NEK1: variants seen among roughly 807,000 people sequenced by gnomAD.
The protein encoded by NEK1 is NIMA related kinase 1, also known as serine/threonine-protein kinase Nek1.
A neutral mutation model predicts 182.1 loss-of-function variants in NEK1; 137 were observed. The ratio of observed to expected loss-of-function variants is 0.75; its 90% CI spans 0.65 to 0.87. NEK1 has a LOEUF of 0.87. NEK1 is among the 40% of genes least tolerant of loss of function. The pLI is 0.00. For missense variants in NEK1, 1,391 were observed against 1,494.4 expected (o/e 0.93, Z 1.14); for synonymous variants, 513 against 492.2 (o/e 1.04, Z -0.56).
intron 5 of NEK1, among the ~76,000 whole-genome samples, chr4:169,592,167 T>C (rs1490686077): frequency 2.6e-5 from 4 of 152,196 alleles, no homozygotes; most frequent in Admixed American, 2.6e-4. Flanking sequence ...TAATCATTTG[T>C]CAAAATATGT....
chr4:169,525,836 T>G (rs2149770287), intron 19 of NEK1, among the ~76,000 whole-genome samples: 1 of 152,330 alleles, frequency 6.6e-6, no homozygotes, highest in Middle Eastern at 3.4e-3. Context: ...AACAACATAG[T>G]CAAACAGCTA....
chr4:169,447,266 AG>A (rs1740752741), intron 27 of NEK1, among the ~76,000 whole-genome samples: 1 of 152,156 alleles, frequency 6.6e-6, no homozygotes, highest in Admixed American at 6.5e-5. Flanking sequence ...ACATATTTAA[AG>A]TACTGAAGGA....
chr4:169,598,772 A>T (rs979199248), intron 5 of NEK1, among the ~76,000 whole-genome samples: 1 of 152,230 alleles, frequency 6.6e-6, no homozygotes, highest in Non-Finnish European at 1.5e-5. Flanking sequence ...GCCACATTTT[A>T]GGAATATATA....
intron 23 of NEK1, among the ~76,000 whole-genome samples, chr4:169,487,769 C>T (rs1749307681): frequency 1.3e-5 from 2 of 152,172 alleles, no homozygotes; most frequent in Admixed American, 1.3e-4. Context: ...AACTAATTTA[C>T]ACTCCCACCA....
intron 10 of NEK1, among the ~76,000 whole-genome samples, chr4:169,583,310 A>G (rs1580954942): frequency 6.6e-6 from 1 of 151,822 alleles, no homozygotes; most frequent in Non-Finnish European, 1.5e-5. Context: ...ACCTAAGTAG[A>G]TATATAGTAC....
At chr4:169,541,257 A>T (rs906829734) in intron 18 of NEK1, among the ~76,000 whole-genome samples, 2 of 152,200 alleles carry the variant, frequency 1.3e-5, no homozygotes, top group Admixed American at 6.5e-5. Flanking sequence ...TATCCAAATT[A>T]AATGAAGCAA....
Position 169,555,806 on chromosome 4 carries a change from T to C in NEK1, c.1476A>G (p.Ala492=), listed in dbSNP as rs1322917520. The C allele has an allele frequency of 1.9e-6, 3 of 1,613,782 alleles. No homozygotes were observed. Among genetic ancestry groups the C allele is most frequent in the Non-Finnish European group, 2.5e-6 (3 of 1,179,820 alleles). Residue 492 remains alanine (A), a synonymous_variant, in exon 18 of 36, where the codon GCA becomes GCG. Coordinates refer to ENST00000507142, the MANE Select transcript of NEK1 (RefSeq NM_001199397.3). ...CAGCATCAGGAAAATGGTGATGACC[T>C]GCAGCCCCATAAGGAAATCCTGGAC... ...GVRPGFPYGA[A]GHHHFPDADD...
chr4:169,527,439 GAC>G (rs1236392679), intron 19 of NEK1, among the ~76,000 whole-genome samples: 1 of 152,120 alleles, frequency 6.6e-6, no homozygotes, highest in Non-Finnish European at 1.5e-5. Context: ...AAACATGTCT[GAC>G]AGTTAAAAGA....
intron 27 of NEK1, among the ~76,000 whole-genome samples, chr4:169,454,638 C>G (rs542363935): frequency 1.2e-4 from 19 of 152,316 alleles, no homozygotes; most frequent in African/African-American, 4.3e-4. Flanking sequence ...GATACCATTT[C>G]ACACCAGTTA....
chr4:169,464,812 A>T (rs1744620357), intron 26 of NEK1, among the ~76,000 whole-genome samples: 1 of 152,126 alleles, frequency 6.6e-6, no homozygotes, highest in African/African-American at 2.4e-5. Context: ...TTTCTAAGAA[A>T]ATTTGTCCTG....
At chr4:169,439,659 T>A (rs535487140) in intron 27 of NEK1, among the ~76,000 whole-genome samples, 1 of 152,242 alleles carries the variant, frequency 6.6e-6, no homozygotes, top group Non-Finnish European at 1.5e-5. Context: ...TAGGAAATAA[T>A]CAAAATATAG....
Position 169,435,635 on chromosome 4 carries a change from A to G in NEK1, c.2765-1970T>C, listed in dbSNP as rs558423884. Among the ~76,000 whole-genome samples, 11 of 152,290 alleles carry G rather than the reference A, an allele frequency of 7.2e-5. No homozygotes were observed. The South Asian group carries it at 2.3e-3, about 32-fold the overall frequency. ...AGTTCCAGGCTGAGCCTTTAAGAGA[A>G]CTGGGAACTTCTATTTGATATCTGG... On this transcript the variant is annotated intron_variant, in intron 28 of 35. Coordinates refer to ENST00000507142, the MANE Select transcript of NEK1 (RefSeq NM_001199397.3).
At chr4:169,610,246 C>T (rs545391266) in intron 2 of NEK1, among the ~76,000 whole-genome samples, 1 of 152,274 alleles carries the variant, frequency 6.6e-6, no homozygotes. Context: ...AAATGATCCA[C>T]TTGCCTCGGC....
In NEK1 at chr4:169,477,181, G is replaced by T; in HGVS notation, c.2377C>A (p.Gln793Lys). The stretch of plus-strand genomic sequence containing the variant: ...AACTCATCCAGAGGAATCACAAGTT[G>T]ACCTCCTGCCTCCCACTTCTTGCGA... ...SDRKKWEAGG[Q>K]LVIPLDELTL... The change falls in exon 26 of 36, where the codon CAA becomes AAA. Residue 793 changes from glutamine (Q) to lysine (K), a missense_variant. By Grantham distance (53) the Gln-to-Lys change is moderately conservative. This residue lies in a region of NEK1 where 1,216 missense variants were observed against 1,277.6 expected (regional missense o/e 0.95). Coordinates refer to ENST00000507142, the MANE Select transcript of NEK1 (RefSeq NM_001199397.3). The T allele has an allele frequency of 6.2e-7, 1 of 1,608,632 alleles. No homozygotes were observed. The highest frequency in any genetic ancestry group is 1.1e-5 in the South Asian group (1 of 89,998).
intron 32 of NEK1, among the ~76,000 whole-genome samples, chr4:169,404,586 A>C (rs765877065): frequency 6.6e-6 from 1 of 152,148 alleles, no homozygotes; most frequent in Non-Finnish European, 1.5e-5. Context: ...AAATTACAAA[A>C]TAAATTATAA....
intron 21 of NEK1, 27 bp from the exon 22 acceptor site, chr4:169,507,819 A>AT: frequency 6.6e-7 from 1 of 1,523,118 alleles, no homozygotes; most frequent in Non-Finnish European, 9.1e-7. Flanking sequence ...TAAGCAAATC[A>AT]CTTAGGATAG....
chr4:169,414,807 T>C (rs1201904092), intron 31 of NEK1, among the ~76,000 whole-genome samples: 3 of 152,252 alleles, frequency 2.0e-5, no homozygotes, highest in African/African-American at 7.2e-5. Context: ...GTTAAGGCTA[T>C]ATGGTTTAAA....
chr4:169,440,638 C>T (rs917690197), intron 27 of NEK1, among the ~76,000 whole-genome samples: 2 of 152,076 alleles, frequency 1.3e-5, no homozygotes, highest in African/African-American at 2.4e-5. Flanking sequence ...GAGAGGGAAG[C>T]GAAACAGTTG....
At chr4:169,547,802 A>C (rs181414738) in intron 18 of NEK1, among the ~76,000 whole-genome samples, 134 of 152,204 alleles carry the variant, frequency 8.8e-4, no homozygotes, top group African/African-American at 3.1e-3. Flanking sequence ...GTTCTCATGC[A>C]GTGTTTTTCA....
Sources: allele counts gnomAD v4.1 joint callset (sites outside exome capture counted in the v4.1 genomes callset), GRCh38; gene constraint gnomAD v4.1.1; regional missense constraint gnomAD v4.1.1; transcripts MANE v1.5; gene names NCBI Gene and HGNC (gene_info 2026-07-23, HGNC 2026-07-21).